Variants in RAPGEF1 observed in about 807,000 individuals in gnomAD.
The protein encoded by RAPGEF1 is Rap guanine nucleotide exchange factor 1, also known as CRK SH3-binding GNRP.
Under a neutral mutation model 143.3 loss-of-function variants are expected in RAPGEF1, and 33 were observed. The ratio of observed to expected loss-of-function variants is 0.23; its 90% CI spans 0.17 to 0.31. RAPGEF1 has a LOEUF of 0.31. Among genes scored for constraint, RAPGEF1 ranks in the 10% least tolerant of loss-of-function variants. RAPGEF1 has a pLI of 1.00. For synonymous variants in RAPGEF1, 629 were observed against 676.5 expected (o/e 0.93, Z 1.09); for missense variants, 1,199 against 1,645.4 (o/e 0.73, Z 4.69).
rs74612638 is a variant in RAPGEF1 at position 131,725,776 on chromosome 9, T to G, written c.61+13994A>C. Among the ~76,000 whole-genome samples the G allele has an allele frequency of 4.0e-5, 6 of 151,226 alleles. No individual in the cohort carries two copies. The South Asian group carries it at 1.3e-3, about 32-fold the overall frequency. On this transcript the variant is annotated intron_variant, in intron 1 of 26. Coordinates refer to ENST00000683357, the MANE Select transcript of RAPGEF1 (RefSeq NM_001377935.1). ...TTGGGTTGTGTTTTTTTTTTTTTTT[T>G]GAGACGGAGTCTTGCTCTGTCACCC...
intron 5 of RAPGEF1, among the ~76,000 whole-genome samples, chr9:131,635,472 G>A (rs976541093): frequency 2.0e-5 from 3 of 151,498 alleles, no homozygotes; most frequent in South Asian, 2.1e-4. Context: ...CGTAAACAAC[G>A]GTGAGTCAGT....
intron 1 of RAPGEF1, among the ~76,000 whole-genome samples, chr9:131,676,150 G>A (rs996043451): frequency 6.6e-6 from 1 of 152,150 alleles, no homozygotes; most frequent in Non-Finnish European, 1.5e-5. Flanking sequence ...GCAATGGAAA[G>A]GATGTAAAAG....
At chr9:131,737,394 C>T in intron 1 of RAPGEF1, 2 of 1,613,810 alleles carry the variant, frequency 1.2e-6, no homozygotes, top group South Asian at 1.1e-5. Flanking sequence ...CTCATGACAC[C>T]CCTCTCTCAC....
intron 1 of RAPGEF1, among the ~76,000 whole-genome samples, chr9:131,694,896 C>T (rs920532388): frequency 1.3e-5 from 2 of 151,316 alleles, no homozygotes; most frequent in African/African-American, 4.9e-5. Context: ...GTGCTGCACC[C>T]ATTAACTCGT....
At chr9:131,633,502 C>T (rs771278811) in intron 5 of RAPGEF1, among the ~76,000 whole-genome samples, 2 of 152,236 alleles carry the variant, frequency 1.3e-5, no homozygotes, top group African/African-American at 2.4e-5. Flanking sequence ...TACAGGAAAA[C>T]ATTCCTGGTT....
intron 1 of RAPGEF1, chr9:131,737,341 T>C: frequency 6.2e-7 from 1 of 1,612,486 alleles, no homozygotes; most frequent in Non-Finnish European, 8.5e-7. Context: ...CTTCAGAGCC[T>C]AGCACAAACA....
Position 131,655,478 on chromosome 9 carries a change from G to C in RAPGEF1, c.62-4529C>G, listed in dbSNP as rs1972203443. Among the ~76,000 whole-genome samples, 1 of 152,266 alleles carries C rather than the reference G, an allele frequency of 6.6e-6. No homozygotes were observed. Among genetic ancestry groups the C allele is most frequent in the Non-Finnish European group, 1.5e-5 (1 of 68,048 alleles). ...GGTGTGACTTCTCCCGCTCCCCTCT[G>C]TCCTGCCTCTTCTCTCTCTTCACCC... On this transcript the variant is annotated intron_variant, in intron 1 of 26. Transcript: ENST00000683357. This position sits in a 1 kb window ranked among gnomAD's most constrained non-coding sequence, Gnocchi z 4.1.
chr9:131,640,689 C>G (rs990746940), intron 4 of RAPGEF1, among the ~76,000 whole-genome samples: 1 of 152,162 alleles, frequency 6.6e-6, no homozygotes, highest in Admixed American at 6.5e-5. Flanking sequence ...TGTTGGAGGC[C>G]AGCCTATCAC....
chr9:131,724,522 G>C, intron 1 of RAPGEF1, among the ~76,000 whole-genome samples: 1 of 152,246 alleles, frequency 6.6e-6, no homozygotes, highest in Non-Finnish European at 1.5e-5. Flanking sequence ...GTGAACCCGG[G>C]AGGCGGAGCT....
At position 131,576,982 on chromosome 9, in the gene RAPGEF1, C is replaced by G. The variant is rs1336072365; in HGVS notation, c.*2515G>C. ...TGTGTGCCTGCCCCTCCTTGCCCCC[C>G]CACACCCCGACACCTGCAGGTGAGG... On this transcript the variant is annotated 3_prime_UTR_variant, in exon 27 of 27. Transcript: ENST00000683357. 2.6e-5 allele frequency: 4 copies of G among 152,062 alleles called. No individual in the cohort carries two copies. Among genetic ancestry groups the G allele is most frequent in the East Asian group, 1.9e-4 (1 of 5,180 alleles). The allele number at this position is 152,062 out of a possible 1,614,324, so 9.4% of individuals were successfully genotyped here. A position where few individuals can be genotyped will look rare whatever the true frequency, so the allele number is the denominator to read the frequency against.
At position 131,583,725 on chromosome 9, in the gene RAPGEF1, G is replaced by A. The variant is rs1043524522; in HGVS notation, c.3414+586C>T. On this transcript the variant is annotated intron_variant, in intron 24 of 26. Transcript: ENST00000683357. This position sits in a 1 kb window ranked among gnomAD's most constrained non-coding sequence, Gnocchi z 4.7. The stretch of plus-strand genomic sequence containing the variant: ...GACCTAGAACTGGTCCCCTTCTCCC[G>A]GGATGTGGTCCCCTGGCCTCCTCCT... Among the ~76,000 whole-genome samples, 3 of 152,124 alleles carry A rather than the reference G, an allele frequency of 2.0e-5. No individual in the cohort carries two copies. The highest frequency in any genetic ancestry group is 1.9e-4 in the East Asian group (1 of 5,194).
intron 17 of RAPGEF1, among the ~76,000 whole-genome samples, chr9:131,594,532 C>A (rs939406624): frequency 6.6e-6 from 1 of 152,226 alleles, no homozygotes; most frequent in Non-Finnish European, 1.5e-5. Context: ...GCCTGAGCCA[C>A]GGGGCTCCCA....
intron 1 of RAPGEF1, among the ~76,000 whole-genome samples, chr9:131,736,730 G>A (rs1012657097): frequency 6.6e-6 from 1 of 152,172 alleles, no homozygotes; most frequent in Non-Finnish European, 1.5e-5. Flanking sequence ...GATGCCTTAA[G>A]CACTGAGAAC....
chr9:131,596,748 G>C (rs1441705011), intron 16 of RAPGEF1, among the ~76,000 whole-genome samples: 1 of 152,164 alleles, frequency 6.6e-6, no homozygotes, highest in Non-Finnish European at 1.5e-5. Context: ...CCCCCTGGGG[G>C]CAAGACAGTC....
At chr9:131,579,724 G>A (rs915763420) in intron 26 of RAPGEF1, 77 bp from the exon 27 acceptor site, 7 of 1,495,506 alleles carry the variant, frequency 4.7e-6, no homozygotes, top group Admixed American at 4.1e-5. Flanking sequence ...CTCCTGGAAG[G>A]TGCCGCGGGG....
In RAPGEF1 at chr9:131,730,710, AAAAAAAAAG is replaced by A. The variant is rs1394007583; in HGVS notation, c.61+9051_61+9059del. Among the ~76,000 whole-genome samples, 74 of 150,238 alleles carry A rather than the reference AAAAAAAAAG, an allele frequency of 4.9e-4. 3 individuals carry two copies. The South Asian group carries it at 7.7e-3, about 16-fold the overall frequency. On this transcript the variant is annotated intron_variant, in intron 1 of 26. Transcript: ENST00000683357. Reference sequence around the variant, plus strand: ...GAGACTCCATCTCAAAAAAAAAAAAAAAAAAAAAGAAGAAGAACCAGCATTAGAAAGGGC... The same window carrying A: ...GAGACTCCATCTCAAAAAAAAAAAAAAAGAAGAACCAGCATTAGAAAGGGC...
In RAPGEF1 at chr9:131,628,425, C is replaced by T. The variant is rs1178325231; in HGVS notation, c.1017+124G>A. The T allele has an allele frequency of 1.5e-6, 2 of 1,316,040 alleles. No homozygotes were observed. Among genetic ancestry groups the T allele is most frequent in the Non-Finnish European group, 2.1e-6 (2 of 963,998 alleles). 81.5% of individuals were successfully genotyped at this position (1,316,040 alleles called of 1,614,324 possible). On this transcript the variant is annotated intron_variant, in intron 8 of 26. Transcript: ENST00000683357. The surrounding 1 kb of genome is among the most constrained non-coding windows in gnomAD (Gnocchi z 5.7). The stretch of plus-strand genomic sequence containing the variant: ...AGAGAGGGATGGGTACAAGGTCTCG[C>T]ACTCCTCGATGTGACAAACACCAGC...
At chr9:131,737,273 C>G in intron 1 of RAPGEF1, 5 of 1,425,902 alleles carry the variant, frequency 3.5e-6, no homozygotes, top group Non-Finnish European at 4.9e-6. Context: ...TCCTGGTCAG[C>G]CCCTTCCCCT....
At chr9:131,620,259 C>CAATATTTTCAATAAATAT (rs1960446795) in intron 11 of RAPGEF1, among the ~76,000 whole-genome samples, 1 of 138,542 alleles carries the variant, frequency 7.2e-6, no homozygotes, top group Non-Finnish European at 1.5e-5. Context: ...TTCAATAAAT[C>CAATATTTTCAATAAATAT]TGGCTCAGCA....
Sources: allele counts gnomAD v4.1 joint callset (sites outside exome capture counted in the v4.1 genomes callset), GRCh38; gene constraint gnomAD v4.1.1; non-coding constraint Gnocchi (gnomAD v3.1); transcripts MANE v1.5; gene names NCBI Gene and HGNC (gene_info 2026-07-23, HGNC 2026-07-21).